THADA: variants seen among roughly 807,000 people sequenced by gnomAD.
THADA encodes THADA armadillo repeat containing, also known as tRNA (32-2'-O)-methyltransferase regulator THADA.
A neutral mutation model predicts 219.8 loss-of-function variants in THADA; 213 were observed. The ratio of observed to expected loss-of-function variants is 0.97; its 90% confidence interval spans 0.87 to 1.09. The LOEUF (loss-of-function observed/expected upper bound fraction) is 1.09, where lower values mean the gene tolerates loss of function less well. Ranked by LOEUF, THADA falls within the 50% of genes least tolerant of loss-of-function variation. The probability of loss-of-function intolerance (pLI) is 0.00; values close to 1 mark genes in which losing one functional copy is unlikely to be tolerated. For synonymous variants in THADA, 1,018 were observed against 828.9 expected (o/e 1.23, Z -3.92); for missense variants, 2,956 against 2,311.3 (o/e 1.28, Z -5.72).
At chr2:43,593,127 T>C (rs1559042154) in intron 1 of THADA, among the ~76,000 whole-genome samples, 2 of 152,136 alleles carry the variant, frequency 1.3e-5, no homozygotes, top group Non-Finnish European at 2.9e-5. Context: ...TTAGAGACTA[T>C]AATGTAGTAC....
At chr2:43,434,692 T>C (rs1389870654) in intron 26 of THADA, among the ~76,000 whole-genome samples, 1 of 152,204 alleles carries the variant, frequency 6.6e-6, no homozygotes, top group Non-Finnish European at 1.5e-5. Flanking sequence ...ACCATCTCCC[T>C]TCTGGTTCCC....
intron 29 of THADA, among the ~76,000 whole-genome samples, chr2:43,374,884 CT>C (rs1488447432): frequency 2.0e-5 from 3 of 151,948 alleles, no homozygotes; most frequent in Non-Finnish European, 4.4e-5. Context: ...TATTGTAAAG[CT>C]ACTATGAGCA....
intron 28 of THADA, among the ~76,000 whole-genome samples, chr2:43,408,965 G>A (rs1372425514): frequency 2.0e-5 from 3 of 152,238 alleles, no homozygotes; most frequent in East Asian, 1.9e-4. Context: ...TCTACACAGA[G>A]GAAAACCCTT....
intron 29 of THADA, among the ~76,000 whole-genome samples, chr2:43,345,542 C>T (rs973771512): frequency 3.9e-5 from 6 of 152,190 alleles, no homozygotes; most frequent in Non-Finnish European, 7.3e-5. Context: ...CATGCCTTCA[C>T]CACACCCCCG....
intron 29 of THADA, among the ~76,000 whole-genome samples, chr2:43,379,850 TA>T (rs1373097667): frequency 6.6e-6 from 1 of 152,226 alleles, no homozygotes; most frequent in African/African-American, 2.4e-5. Context: ...AATGAAACAG[TA>T]TTCAGCAATA....
At chr2:43,358,554 G>A (rs1217807386) in intron 29 of THADA, among the ~76,000 whole-genome samples, 1 of 152,192 alleles carries the variant, frequency 6.6e-6, no homozygotes, top group East Asian at 1.9e-4. Context: ...GAGGCCAAAA[G>A]AAATGTAAAG....
At chr2:43,469,580 A>C (rs1424213180) in intron 26 of THADA, among the ~76,000 whole-genome samples, 1 of 152,160 alleles carries the variant, frequency 6.6e-6, no homozygotes, top group African/African-American at 2.4e-5. Context: ...AACTGATATA[A>C]TCTTATTTTT....
chr2:43,524,311 T>C (rs1049113550), intron 22 of THADA, among the ~76,000 whole-genome samples: 2 of 152,234 alleles, frequency 1.3e-5, no homozygotes, highest in Non-Finnish European at 2.9e-5. Context: ...GATTGTTTAA[T>C]AGTGAAGTCA....
intron 21 of THADA, among the ~76,000 whole-genome samples, chr2:43,529,938 A>G (rs952115786): frequency 6.6e-6 from 1 of 152,220 alleles, no homozygotes; most frequent in African/African-American, 2.4e-5. Context: ...TAAAATAAGT[A>G]ATAAACTGAA....
At chr2:43,294,780 G>T (rs2104379683) in intron 31 of THADA, among the ~76,000 whole-genome samples, 1 of 152,178 alleles carries the variant, frequency 6.6e-6, no homozygotes, top group Non-Finnish European at 1.5e-5. Flanking sequence ...ATCAGGAGAA[G>T]GTGGGTTTAA....
intron 36 of THADA, among the ~76,000 whole-genome samples, chr2:43,257,069 T>A (rs1229008807): frequency 6.6e-6 from 1 of 152,164 alleles, no homozygotes; most frequent in African/African-American, 2.4e-5. Context: ...GCCTCCCATC[T>A]GGTAGACAGG....
chr2:43,396,758 C>T (rs1320874390), intron 29 of THADA, among the ~76,000 whole-genome samples: 1 of 151,870 alleles, frequency 6.6e-6, no homozygotes, highest in East Asian at 1.9e-4. Flanking sequence ...TTGCAGTGAG[C>T]CGAGACTGCA....
chr2:43,487,383 C>T (rs997236801), intron 25 of THADA, among the ~76,000 whole-genome samples: 1 of 152,108 alleles, frequency 6.6e-6, no homozygotes, highest in Non-Finnish European at 1.5e-5. Flanking sequence ...AACAGGAGTG[C>T]CTGGAGATGT....
chr2:43,286,758 G>T, intron 35 of THADA, 150 bp downstream of exon 35: 1 of 872,650 alleles, frequency 1.1e-6, no homozygotes. Flanking sequence ...AAAATGATTA[G>T]AGCATGAACT....
intron 30 of THADA, among the ~76,000 whole-genome samples, chr2:43,337,758 A>C (rs1478880443): frequency 6.6e-6 from 1 of 152,120 alleles, no homozygotes; most frequent in Non-Finnish European, 1.5e-5. Context: ...AACATCATCT[A>C]CGACACTAAA....
intron 25 of THADA, among the ~76,000 whole-genome samples, chr2:43,497,190 T>C (rs560403526): frequency 9.2e-5 from 14 of 152,230 alleles, no homozygotes; most frequent in Non-Finnish European, 1.8e-4. Context: ...TTACTGGATA[T>C]ATACCCAAAG....
At chr2:43,586,495 C>T in intron 6 of THADA, 46 bp from the exon 7 acceptor site, 1 of 1,458,962 alleles carries the variant, frequency 6.9e-7, no homozygotes, top group Non-Finnish European at 9.2e-7. Context: ...AACTGTGAAG[C>T]TCAATTTCAA....
intron 36 of THADA, among the ~76,000 whole-genome samples, chr2:43,272,800 T>A (rs4952983): frequency 3.3e-5 from 5 of 151,764 alleles, no homozygotes; most frequent in Non-Finnish European, 7.4e-5. Flanking sequence ...AATTTTTAAA[T>A]TTTTTTGAAG....
chr2:43,353,235 T>C (rs1261839470), intron 29 of THADA, among the ~76,000 whole-genome samples: 1 of 152,214 alleles, frequency 6.6e-6, no homozygotes, highest in Non-Finnish European at 1.5e-5. Context: ...CTATTTGTAA[T>C]TTCTTTAGGA....
Sources: gnomAD v4.1 joint callset for allele counts (sites outside exome capture counted in the v4.1 genomes callset) on GRCh38, gnomAD v4.1.1 for gene constraint, MANE v1.5 for transcripts, NCBI Gene and HGNC (gene_info 2026-07-23, HGNC 2026-07-21) for gene names.